Variants in ADGRV1 observed in about 807,000 individuals in gnomAD.
ADGRV1 encodes G-protein coupled receptor 98.
A neutral mutation model predicts 596.2 loss-of-function variants in ADGRV1; 359 were observed. The observed-to-expected ratio is 0.60, with a 90% CI of 0.55 to 0.66. The LOEUF is 0.66. Ranked by LOEUF, ADGRV1 falls within the 30% of genes least tolerant of loss-of-function variation. The pLI is 0.00. For missense variants in ADGRV1, 7,274 were observed against 7,575.6 expected, an observed-to-expected ratio of 0.96 and a Z score of 1.48; for synonymous variants, 2,681 against 2,679.2, an observed-to-expected ratio of 1.00 and a Z score of -0.02.
chr5:90,646,152 A>ATATATGCACGTGCATATATACATT (rs543001722), intron 16 of ADGRV1, 61 bp downstream of exon 16: 1 of 1,252,628 alleles, frequency 8.0e-7, no homozygotes, highest in South Asian at 2.0e-5. Context: ...ATATAAATGT[A>ATATATGCACGTGCATATATACATT]TATATGCACG....
chr5:90,637,804 CA>C lies in ADGRV1; in HGVS notation c.2100del (p.Ala701GlnfsTer2). ...AGTTTGAAGCCCTCTGGCTTTAATT[CA>C]AAAGCAGTGACCCCGGATGATATAG... ...YWSLKPSGFN[S>X]KAVTPDDIGP... On this transcript the variant is annotated frameshift_variant, in exon 11 of 90. Transcript: ENST00000405460. LOFTEE classifies it high-confidence loss of function. 6 of 1,613,560 alleles carry C rather than the reference CA, an allele frequency of 3.7e-6. No homozygotes were observed. Among genetic ancestry groups the C allele is most frequent in the Non-Finnish European group, 5.1e-6 (6 of 1,179,732 alleles).
rs376488093 is a variant in ADGRV1, at chr5:90,776,570, T to C, written c.12521T>C (p.Ile4174Thr). The change falls in exon 61 of 90, where the codon ATT becomes ACT. Residue 4174 changes from isoleucine (I) to threonine (T), a missense_variant. This residue lies in a region of ADGRV1 where 3,643 missense variants were observed against 3,809.2 expected (regional missense o/e 0.96). Transcript: ENST00000405460. ...TCAGCAAAATATAATGGTACCGCTA[T>C]TATCAGGTAAGGACTTCATGATTTT... ...EPSAKYNGTA[I>T]ISLVRGPGIL... is the part of the protein sequence containing the mutation. 1.3e-5 allele frequency: 21 copies of C among 1,613,180 alleles called. No individual in the cohort carries two copies. Among genetic ancestry groups the C allele is most frequent in the Admixed American group, 3.3e-5 (2 of 59,954 alleles).
At chr5:90,836,809 A>G (rs1431239663) in intron 77 of ADGRV1, among the ~76,000 whole-genome samples, 1 of 152,196 alleles carries the variant, frequency 6.6e-6, no homozygotes, top group African/African-American at 2.4e-5. Flanking sequence ...AAAAGTTTAA[A>G]CAATTGGAAA....
At chr5:90,794,438 G>C (rs1760440874) in intron 70 of ADGRV1, among the ~76,000 whole-genome samples, 1 of 152,152 alleles carries the variant, frequency 6.6e-6, no homozygotes, top group Non-Finnish European at 1.5e-5. Context: ...GAATGCAAGA[G>C]GAATTTTATA....
chr5:91,147,469 G>T (rs921554364), intron 87 of ADGRV1, among the ~76,000 whole-genome samples: 1 of 152,134 alleles, frequency 6.6e-6, no homozygotes, highest in Admixed American at 6.5e-5. Context: ...GATCATGGGG[G>T]CAGTTTATCC....
intron 84 of ADGRV1, among the ~76,000 whole-genome samples, chr5:90,974,669 C>G (rs1170811156): frequency 1.3e-5 from 2 of 152,128 alleles, no homozygotes; most frequent in Admixed American, 6.5e-5. Context: ...GAAACTGGAT[C>G]CCTTCCTTAC....
chr5:91,014,135 G>GAGA (rs1562090738), intron 85 of ADGRV1, among the ~76,000 whole-genome samples: 1 of 23,574 alleles, frequency 4.2e-5, no homozygotes, highest in African/African-American at 1.5e-4. Flanking sequence ...ATTCACAATT[G>GAGA]CCACACACAC....
chr5:90,762,527 G>A (rs1236059038), intron 58 of ADGRV1: 1 of 152,000 alleles, frequency 6.6e-6, no homozygotes, highest in African/African-American at 2.4e-5. Flanking sequence ...TTTGTATAGC[G>A]GATGGATGAT....
chr5:90,796,980 C>T (rs1237197708), intron 70 of ADGRV1, among the ~76,000 whole-genome samples: 1 of 152,028 alleles, frequency 6.6e-6, no homozygotes, highest in Non-Finnish European at 1.5e-5. Context: ...AAGCACTAAA[C>T]ATGGAAAGTA....
rs1175906653 is a variant in ADGRV1 at position 90,625,186 on chromosome 5, C to T, written c.615C>T (p.Ile205=). 1 of 1,613,642 alleles carries T rather than the reference C, an allele frequency of 6.2e-7. No individual in the cohort carries two copies. The highest frequency in any genetic ancestry group is 1.3e-5 in the African/African-American group (1 of 75,000). ...ATTTGAGTCCAGTTAAAGGAAATATCACCTTTCCCCCTGGCAGAGCAACAG... is the reference window on the plus strand; with the variant it reads ...ATTTGAGTCCAGTTAAAGGAAATATTACCTTTCCCCCTGGCAGAGCAACAG... ...DEDLSPVKGN[I]TFPPGRATVI... Residue 205 remains isoleucine (I), a synonymous_variant, in exon 6 of 90, where the codon ATC becomes ATT. Coordinates refer to ENST00000405460, the MANE Select transcript of ADGRV1 (RefSeq NM_032119.4).
At chr5:90,919,407 G>A (rs1052973346) in intron 83 of ADGRV1, among the ~76,000 whole-genome samples, 5 of 152,272 alleles carry the variant, frequency 3.3e-5, no homozygotes, top group African/African-American at 1.2e-4. Context: ...ATATTGGGAG[G>A]TGTAGTTGAT....
chr5:90,756,219 T>C lies in ADGRV1; in HGVS notation c.11581-235T>C, dbSNP rs556023212. On this transcript the variant is annotated intron_variant, in intron 55 of 89. Coordinates refer to ENST00000405460, the MANE Select transcript of ADGRV1 (RefSeq NM_032119.4). ...GATTTTTAAAAATTATTTTATTTGCTAATGAGTGTGAAGATTCCATTGAAA... is the reference window on the plus strand; with the variant it reads ...GATTTTTAAAAATTATTTTATTTGCCAATGAGTGTGAAGATTCCATTGAAA... Among the ~76,000 whole-genome samples, 13 of 152,294 alleles carry C rather than the reference T, an allele frequency of 8.5e-5. No individual in the cohort carries two copies. In the East Asian group the frequency reaches 2.5e-3, roughly 29 times the overall value.
chr5:91,116,306 C>G (rs554769658), intron 87 of ADGRV1, among the ~76,000 whole-genome samples: 1 of 152,190 alleles, frequency 6.6e-6, no homozygotes, highest in South Asian at 2.1e-4. Context: ...CAAATCCTGT[C>G]TTATTAATTT....
rs1415965389 is a variant in ADGRV1 at position 90,617,873 on chromosome 5, A to G, written c.277A>G (p.Asn93Asp). Reference protein sequence around the residue: ...AAAFIPAGETNRTVYIAVCDD... With the variant: ...AAAFIPAGETDRTVYIAVCDD... The stretch of plus-strand genomic sequence containing the variant: ...AGCTTTTATACCTGCCGGAGAAACA[A>G]ACAGAACAGTGTACATAGCAGTATG... Residue 93 changes from asparagine to aspartate, a missense_variant, in exon 3 of 90, where the codon AAC (asparagine) becomes GAC (aspartate). Physicochemically the swap from Asn to Asp is conservative, Grantham distance 23. Coordinates refer to ENST00000405460, the MANE Select transcript of ADGRV1 (RefSeq NM_032119.4). The G allele has an allele frequency of 2.8e-5, 44 of 1,599,396 alleles. No individual in the cohort carries two copies. Among genetic ancestry groups the G allele is most frequent in the Non-Finnish European group, 3.7e-5 (43 of 1,172,044 alleles).
At chr5:90,590,590 G>T (rs772893117) in intron 1 of ADGRV1, among the ~76,000 whole-genome samples, 4 of 152,158 alleles carry the variant, frequency 2.6e-5, no homozygotes, top group Non-Finnish European at 5.9e-5. Context: ...CGTAGCTTCA[G>T]AAGACCAAGA....
intron 83 of ADGRV1, among the ~76,000 whole-genome samples, chr5:90,948,904 A>G (rs1032506548): frequency 1.3e-5 from 2 of 152,144 alleles, no homozygotes; most frequent in Non-Finnish European, 2.9e-5. Context: ...TTGTAAGTCA[A>G]ACATCATAAG....
chr5:90,566,113 G>T (rs1489999096), intron 1 of ADGRV1, among the ~76,000 whole-genome samples: 3 of 151,616 alleles, frequency 2.0e-5, no homozygotes, highest in Non-Finnish European at 4.4e-5. Flanking sequence ...TCATTGTGTG[G>T]GTTGTCTTTT....
rs1758844360 is a variant in ADGRV1, at chr5:90,781,508, C to T, written c.13161C>T (p.Arg4387=). 3 of 1,611,022 alleles carry T rather than the reference C, an allele frequency of 1.9e-6. No homozygotes were observed. The highest frequency in any genetic ancestry group is 3.4e-5 in the Admixed American group (2 of 59,662). ...PPEIGNISIV[R]IIIMKNDNAE... The stretch of plus-strand genomic sequence containing the variant: ...AAATAGGAAACATCTCCATTGTTCG[C>T]ATCATAATAATGAAAAATGATAACG... Residue 4387 remains arginine (R), a synonymous_variant, in exon 65 of 90, where the codon CGC becomes CGT. Coordinates refer to ENST00000405460, the MANE Select transcript of ADGRV1 (RefSeq NM_032119.4).
chr5:90,972,099 CAAAG>C (rs1364090753), intron 84 of ADGRV1, among the ~76,000 whole-genome samples: 2 of 152,108 alleles, frequency 1.3e-5, no homozygotes, highest in African/African-American at 2.4e-5. Context: ...TCAAAAGAGA[CAAAG>C]AAGGCCATTA....
Sources: gnomAD v4.1 joint callset for allele counts (sites outside exome capture counted in the v4.1 genomes callset) on GRCh38, gnomAD v4.1.1 for gene constraint, gnomAD v4.1.1 regional missense constraint, MANE v1.5 for transcripts, NCBI Gene and HGNC (gene_info 2026-07-23, HGNC 2026-07-21) for gene names.